SYN3: variants seen among roughly 807,000 people sequenced by gnomAD.
The protein encoded by SYN3 is synapsin III.
Under a neutral mutation model 65.8 loss-of-function variants are expected in SYN3, and 35 were observed. The observed-to-expected ratio is 0.53, with a 90% CI of 0.41 to 0.70. SYN3 has a LOEUF of 0.70. Among genes scored for constraint, SYN3 ranks in the 30% least tolerant of loss-of-function variants. The pLI is 0.00. For synonymous variants in SYN3, 270 were observed against 292.9 expected (o/e 0.92, Z 0.80); for missense variants, 680 against 749.0 (o/e 0.91, Z 1.08).
intron 6 of SYN3, among the ~76,000 whole-genome samples, chr22:32,840,649 C>T (rs902450104): frequency 1.3e-5 from 2 of 152,108 alleles, no homozygotes; most frequent in Non-Finnish European, 2.9e-5. Flanking sequence ...CCCCCTCCGC[C>T]CCCCACCCAG....
chr22:32,705,815 C>A (rs1020170603), intron 6 of SYN3, among the ~76,000 whole-genome samples: 1 of 152,180 alleles, frequency 6.6e-6, no homozygotes, highest in Non-Finnish European at 1.5e-5. Flanking sequence ...CACTTTGTGG[C>A]AATTGTGAAT....
In SYN3 at chr22:33,051,497, T is replaced by C. The variant is rs116842602; in HGVS notation, c.-163+6795A>G. 5.6e-4 allele frequency among the ~76,000 whole-genome samples: 85 copies of C among 152,216 alleles called. No homozygotes were observed. The East Asian group carries it at 9.9e-3, about 18-fold the overall frequency. On this transcript the variant is annotated intron_variant, in intron 1 of 13. Coordinates refer to ENST00000358763, the MANE Select transcript of SYN3 (RefSeq NM_003490.4). The stretch of plus-strand genomic sequence containing the variant: ...CATCTTGAGGCACACATGCCTACAT[T>C]GGGACCCTTTCTGGACAAGGTGAGA...
intron 6 of SYN3, among the ~76,000 whole-genome samples, chr22:32,642,253 C>A (rs1397613800): frequency 1.3e-5 from 2 of 151,642 alleles, no homozygotes; most frequent in Non-Finnish European, 2.9e-5. Context: ...CATGCCACTG[C>A]ACTCCAGCCT....
rs71187211 is a variant in SYN3, at chr22:32,758,681, CATATATATATAT to C, written c.711+106222_711+106233del. ...TGTGTAAGTTAATACTTACTAAACT[CATATATATATAT>C]ATATATATGTCTTATTAGTTCTGTC... On this transcript the variant is annotated intron_variant, in intron 6 of 13. Transcript: ENST00000358763. Among the ~76,000 whole-genome samples, 6 of 33,088 alleles carry C rather than the reference CATATATATATAT, an allele frequency of 1.8e-4. 1 individual carries two copies. Among genetic ancestry groups the C allele is most frequent in the African/African-American group, 4.4e-4 (6 of 13,568 alleles). The allele number at this position is 33,088 out of a possible 152,430, so 21.7% of individuals were successfully genotyped here.
chr22:32,852,033 C>G (rs139510438), intron 6 of SYN3, among the ~76,000 whole-genome samples: 32 of 152,352 alleles, frequency 2.1e-4, no homozygotes, highest in Non-Finnish European at 4.1e-4. Context: ...TATGATAAGA[C>G]TTGGCATCAG....
chr22:32,599,038 G>C (rs1346593675), intron 6 of SYN3, among the ~76,000 whole-genome samples: 1 of 152,028 alleles, frequency 6.6e-6, no homozygotes, highest in Non-Finnish European at 1.5e-5. Context: ...ACTGCTAACA[G>C]TTTTGGTTTA....
intron 6 of SYN3, among the ~76,000 whole-genome samples, chr22:32,712,588 T>C (rs1245460198): frequency 1.3e-5 from 2 of 152,120 alleles, no homozygotes; most frequent in African/African-American, 4.8e-5. Context: ...GATTTGGGGT[T>C]CTGATGTATT....
chr22:32,693,553 G>A (rs5994604), intron 6 of SYN3, among the ~76,000 whole-genome samples: 5,802 of 150,118 alleles, frequency 0.039, 370 homozygotes, highest in African/African-American at 0.13. Flanking sequence ...TAGTTGTTTG[G>A]CCTAAATCGG....
intron 6 of SYN3, among the ~76,000 whole-genome samples, chr22:32,708,972 A>G (rs1455713903): frequency 6.6e-6 from 1 of 152,166 alleles, no homozygotes; most frequent in Non-Finnish European, 1.5e-5. Context: ...GGAAGAGAGA[A>G]TCACTCGAGC....
chr22:32,751,673 A>T (rs2045131842), intron 6 of SYN3, among the ~76,000 whole-genome samples: 2 of 152,208 alleles, frequency 1.3e-5, no homozygotes, highest in African/African-American at 2.4e-5. Flanking sequence ...AGGAGGAATA[A>T]TGCCACTTGT....
intron 7 of SYN3, among the ~76,000 whole-genome samples, chr22:32,576,228 G>T (rs1404583330): frequency 6.6e-6 from 1 of 152,156 alleles, no homozygotes; most frequent in African/African-American, 2.4e-5. Flanking sequence ...CAGTGGGGAA[G>T]AGATAATAAC....
chr22:32,995,732 G>C (rs372329719), intron 2 of SYN3, among the ~76,000 whole-genome samples: 45 of 151,918 alleles, frequency 3.0e-4, no homozygotes, highest in African/African-American at 9.9e-4. Context: ...GCACTATCTC[G>C]GCTCACTGCA....
Position 32,513,604 on chromosome 22 carries a change from C to T in SYN3, c.*88G>A. 9.1e-6 allele frequency: 14 copies of T among 1,533,718 alleles called. No individual in the cohort carries two copies. The highest frequency in any genetic ancestry group is 1.2e-5 in the Non-Finnish European group (14 of 1,127,902). On this transcript the variant is annotated 3_prime_UTR_variant, in exon 14 of 14. Transcript: ENST00000358763. ...ATGTTCTCAGGCCCTCCATTCTGTT[C>T]CCATCAGGAACCAAGGCTGAGAAGG... is the stretch of plus-strand genomic sequence containing the variant.
chr22:32,947,188 G>T (rs1371120674), intron 3 of SYN3, among the ~76,000 whole-genome samples: 1 of 152,072 alleles, frequency 6.6e-6, no homozygotes, highest in African/African-American at 2.4e-5. Context: ...TTCAATTAAA[G>T]AGCTATAATT....
At chr22:32,833,798 G>A (rs1170468525) in intron 6 of SYN3, 1 of 499,514 alleles carries the variant, frequency 2.0e-6, no homozygotes, top group Non-Finnish European at 4.0e-6. Flanking sequence ...TACTTTATAG[G>A]GCCCTAGTGA....
At chr22:32,917,664 G>A (rs986117700) in intron 4 of SYN3, among the ~76,000 whole-genome samples, 4 of 152,184 alleles carry the variant, frequency 2.6e-5, no homozygotes, top group South Asian at 2.1e-4. Context: ...CGCAGCCAGC[G>A]GCCTCACAGT....
At chr22:32,889,873 A>G (rs547545809) in intron 4 of SYN3, among the ~76,000 whole-genome samples, 405 of 152,118 alleles carry the variant, frequency 2.7e-3, no homozygotes, top group Non-Finnish European at 4.6e-3. Flanking sequence ...TACTTACTGA[A>G]TCAAAGGCTT....
intron 6 of SYN3, among the ~76,000 whole-genome samples, chr22:32,818,828 C>A (rs1157359000): frequency 6.6e-6 from 1 of 152,158 alleles, no homozygotes; most frequent in Non-Finnish European, 1.5e-5. Context: ...GCTCAGAGAC[C>A]AGGAGGAATC....
chr22:32,523,241 G>T (rs2057917344), intron 12 of SYN3, among the ~76,000 whole-genome samples: 2 of 152,164 alleles, frequency 1.3e-5, no homozygotes, highest in South Asian at 2.1e-4. Flanking sequence ...GGCCGGGCGT[G>T]GTGGCTCATG....
Sources: allele counts gnomAD v4.1 joint callset (sites outside exome capture counted in the v4.1 genomes callset), GRCh38; gene constraint gnomAD v4.1.1; transcripts MANE v1.5; gene names NCBI Gene and HGNC (gene_info 2026-07-23, HGNC 2026-07-21).